DLG2: variants seen among roughly 807,000 people sequenced by gnomAD.
DLG2 encodes disks large homolog 2.
In DLG2, 45 loss-of-function variants were observed where a neutral mutation model predicts 132.5. That is an observed-to-expected ratio of 0.34 (90% CI 0.27 to 0.44). The LOEUF (loss-of-function observed/expected upper bound fraction) is 0.44. Ranked by LOEUF, DLG2 falls within the 20% of genes least tolerant of loss-of-function variation. The pLI is 1.00. For synonymous variants in DLG2, 424 were observed against 419.6 expected, an observed-to-expected ratio of 1.01 and a Z score of -0.13; for missense variants, 1,045 against 1,196.9, an observed-to-expected ratio of 0.87 and a Z score of 1.87.
chr11:85,170,966 C>G (rs1198520277), intron 4 of DLG2, among the ~76,000 whole-genome samples: 1 of 151,744 alleles, frequency 6.6e-6, no homozygotes, highest in East Asian at 1.9e-4. Flanking sequence ...GAAGGGAAAG[C>G]TCTTCCTTAC....
intron 18 of DLG2, among the ~76,000 whole-genome samples, chr11:83,712,651 GTC>G (rs1387585211): frequency 6.6e-6 from 1 of 152,132 alleles, no homozygotes; most frequent in Non-Finnish European, 1.5e-5. Context: ...TCAAGATTCT[GTC>G]CTTTGCAGGG....
At chr11:85,124,833 A>ATT (rs2074873131) in intron 5 of DLG2, among the ~76,000 whole-genome samples, 1 of 100,328 alleles carries the variant, frequency 1.0e-5, no homozygotes, top group Non-Finnish European at 2.1e-5. Flanking sequence ...AGCACAGTAA[A>ATT]ATTTTTTTTT....
chr11:84,928,980 GTGTATATATATATATATATATA>G (rs1343443068), intron 6 of DLG2, among the ~76,000 whole-genome samples: 1 of 40,258 alleles, frequency 2.5e-5, no homozygotes, highest in African/African-American at 8.0e-5. Context: ...GTGTGTGTGT[GTGTATATATATATATATATATA>G]TATATATATA....
intron 18 of DLG2, among the ~76,000 whole-genome samples, chr11:83,770,420 A>G (rs941250094): frequency 7.9e-5 from 12 of 152,096 alleles, no homozygotes; most frequent in South Asian, 2.1e-4. Flanking sequence ...ATAATTACTA[A>G]GCCCCAGAGG....
At chr11:84,164,013 A>G (rs35910823) in intron 8 of DLG2, among the ~76,000 whole-genome samples, 1 of 152,088 alleles carries the variant, frequency 6.6e-6, no homozygotes, top group African/African-American at 2.4e-5. Context: ...AGCTCAGGTA[A>G]ATCATCCCCA....
intron 6 of DLG2, among the ~76,000 whole-genome samples, chr11:85,105,854 A>T (rs1221499848): frequency 6.6e-6 from 1 of 151,958 alleles, no homozygotes; most frequent in Non-Finnish European, 1.5e-5. Flanking sequence ...AAACACCCAG[A>T]GAGCAGACAC....
intron 3 of DLG2, among the ~76,000 whole-genome samples, chr11:85,445,380 CA>C (rs2091961372): frequency 6.6e-6 from 1 of 152,128 alleles, no homozygotes; most frequent in Non-Finnish European, 1.5e-5. Context: ...ATAGGAGTCT[CA>C]AAATTGAAAG....
At chr11:85,506,179 T>C (rs985026093) in intron 3 of DLG2, among the ~76,000 whole-genome samples, 6 of 152,294 alleles carry the variant, frequency 3.9e-5, no homozygotes, top group East Asian at 1.9e-4. Context: ...CCTGGATTCA[T>C]TGATTTTTTG....
intron 15 of DLG2, among the ~76,000 whole-genome samples, chr11:83,901,725 A>ATTG (rs1221128507): frequency 5.9e-5 from 9 of 152,258 alleles, no homozygotes; most frequent in African/African-American, 1.7e-4. Flanking sequence ...GACGGTACTA[A>ATTG]TACAGTTTCC....
intron 21 of DLG2, among the ~76,000 whole-genome samples, chr11:83,513,401 G>T (rs11233652): frequency 0.28 from 42,790 of 151,966 alleles, 6,353 homozygotes; most frequent in East Asian, 0.36. Flanking sequence ...TAAATTTGTT[G>T]GAGTTCATTG....
intron 21 of DLG2, among the ~76,000 whole-genome samples, chr11:83,529,381 C>A (rs1243589127): frequency 1.3e-5 from 2 of 152,128 alleles, no homozygotes; most frequent in Non-Finnish European, 2.9e-5. Context: ...TTGCTTTCTA[C>A]TTCTGGACAA....
intron 6 of DLG2, 90 bp downstream of exon 6, chr11:85,111,571 G>T: frequency 9.7e-7 from 1 of 1,027,886 alleles, no homozygotes; most frequent in South Asian, 1.9e-5. Flanking sequence ...CAGAATTTCA[G>T]AGAGCATTCT....
intron 10 of DLG2, among the ~76,000 whole-genome samples, chr11:84,092,133 T>C (rs547478370): frequency 1.3e-4 from 20 of 152,356 alleles, no homozygotes; most frequent in African/African-American, 4.3e-4. Context: ...TTTTGCCATA[T>C]AAAGTAGCAT....
chr11:83,505,216 C>T (rs1013736575), intron 21 of DLG2, among the ~76,000 whole-genome samples: 1 of 152,186 alleles, frequency 6.6e-6, no homozygotes, highest in Non-Finnish European at 1.5e-5. Flanking sequence ...TATAACCTGC[C>T]ACCAGGTAGC....
At chr11:85,371,242 T>G (rs2152917783) in intron 3 of DLG2, among the ~76,000 whole-genome samples, 1 of 152,306 alleles carries the variant, frequency 6.6e-6, no homozygotes, top group East Asian at 1.9e-4. Context: ...GTTAACTAAA[T>G]GGACTGAACT....
At chr11:83,711,584 G>A (rs1051622450) in intron 18 of DLG2, among the ~76,000 whole-genome samples, 1 of 152,200 alleles carries the variant, frequency 6.6e-6, no homozygotes, top group African/African-American at 2.4e-5. Flanking sequence ...ATATCTATGT[G>A]TGACCAAGGT....
At chr11:85,170,243 G>C (rs2078746870) in intron 4 of DLG2, among the ~76,000 whole-genome samples, 2 of 152,088 alleles carry the variant, frequency 1.3e-5, no homozygotes, top group Non-Finnish European at 2.9e-5. Flanking sequence ...ACAGGGGAGA[G>C]GAGAAGGAAC....
chr11:85,423,898 C>G (rs367922129), intron 3 of DLG2, among the ~76,000 whole-genome samples: 2 of 152,132 alleles, frequency 1.3e-5, no homozygotes, highest in South Asian at 4.1e-4. Flanking sequence ...CCCCCACCTA[C>G]GGAGTCTGTA....
intron 11 of DLG2, among the ~76,000 whole-genome samples, chr11:84,005,477 C>G (rs1262883454): frequency 6.6e-6 from 1 of 151,770 alleles, no homozygotes; most frequent in Non-Finnish European, 1.5e-5. Context: ...CCACGGACAA[C>G]TAAAACAAAA....
Sources: gnomAD v4.1 joint callset for allele counts (sites outside exome capture counted in the v4.1 genomes callset) on GRCh38, gnomAD v4.1.1 for gene constraint, MANE v1.5 for transcripts, NCBI Gene and HGNC (gene_info 2026-07-23, HGNC 2026-07-21) for gene names.